The following RALGPS2 variants were observed in gnomAD, a reference collection of about 807,000 sequenced individuals.
RALGPS2 encodes ras-specific guanine nucleotide-releasing factor RalGPS2.
RALGPS2 carries 43 observed loss-of-function variants against 86.8 expected under a neutral mutation model. The ratio of observed to expected loss-of-function variants is 0.50; its 90% CI spans 0.39 to 0.64. The LOEUF (loss-of-function observed/expected upper bound fraction) is 0.64. RALGPS2 is among the 30% of genes least tolerant of loss of function. RALGPS2 has a pLI of 0.00. For synonymous variants in RALGPS2, 243 were observed against 231.3 expected, an observed-to-expected ratio of 1.05 and a Z score of -0.46; for missense variants, 536 against 694.6, an observed-to-expected ratio of 0.77 and a Z score of 2.57.
At chr1:178,794,821 A>T (rs1246003307) in intron 4 of RALGPS2, among the ~76,000 whole-genome samples, 2 of 152,166 alleles carry the variant, frequency 1.3e-5, no homozygotes, top group African/African-American at 4.8e-5. Context: ...TGCCTCTTTT[A>T]TGAGGGTCTC....
At chr1:178,813,846 G>C (rs1655104470) in intron 6 of RALGPS2, among the ~76,000 whole-genome samples, 1 of 152,148 alleles carries the variant, frequency 6.6e-6, no homozygotes, top group African/African-American at 2.4e-5. Flanking sequence ...TTGATTTGTA[G>C]ATGTTAACCG....
At chr1:178,809,807 T>C (rs1654892683) in intron 5 of RALGPS2, among the ~76,000 whole-genome samples, 1 of 152,156 alleles carries the variant, frequency 6.6e-6, no homozygotes, top group African/African-American at 2.4e-5. Flanking sequence ...GCATGGTCTT[T>C]TATGACCTCG....
chr1:178,903,377 G>A (rs1057300900), intron 18 of RALGPS2, among the ~76,000 whole-genome samples: 1 of 151,966 alleles, frequency 6.6e-6, no homozygotes, highest in African/African-American at 2.4e-5. Flanking sequence ...ATAAGTTATT[G>A]GGGTACAGGT....
rs145611757 is a variant in RALGPS2, at chr1:178,914,645, G to T, written c.1723-1685G>T. Among the ~76,000 whole-genome samples the T allele has an allele frequency of 9.4e-4, 143 of 151,936 alleles. 1 individual carries two copies. In the East Asian group the frequency reaches 0.015, roughly 15 times the overall value. ...GAGAAGCTCTTCCTGGCTTTGCCTA[G>T]TTGGCCATCTTGTCCCAATCCCGAG... On this transcript the variant is annotated intron_variant, in intron 19 of 19. Coordinates refer to ENST00000367635, the MANE Select transcript of RALGPS2 (RefSeq NM_152663.5).
chr1:178,869,690 G>A (rs959822504), intron 8 of RALGPS2, among the ~76,000 whole-genome samples: 4 of 152,050 alleles, frequency 2.6e-5, no homozygotes, highest in Admixed American at 2.0e-4. Context: ...GGACACAAAA[G>A]CAAAGTTGGA....
chr1:178,747,340 G>C, intron 1 of RALGPS2: 1 of 1,535,258 alleles, frequency 6.5e-7, no homozygotes, highest in South Asian at 1.1e-5. Flanking sequence ...ATATTGTTCT[G>C]GTTTCACCAC....
chr1:178,905,743 C>T (rs1660363038), intron 18 of RALGPS2, among the ~76,000 whole-genome samples: 1 of 152,142 alleles, frequency 6.6e-6, no homozygotes, highest in South Asian at 2.1e-4. Context: ...CCTTTCTTTT[C>T]TCAATTTGTT....
At chr1:178,832,205 G>A (rs148354080) in intron 7 of RALGPS2, among the ~76,000 whole-genome samples, 1 of 152,146 alleles carries the variant, frequency 6.6e-6, no homozygotes, top group East Asian at 1.9e-4. Context: ...TAAAACCGCT[G>A]TTTTAGACCA....
intron 1 of RALGPS2, among the ~76,000 whole-genome samples, chr1:178,775,060 A>C (rs938560860): frequency 6.6e-6 from 1 of 152,198 alleles, no homozygotes; most frequent in African/African-American, 2.4e-5. Flanking sequence ...TGTTGAATTT[A>C]AGCTTTATGG....
At chr1:178,739,694 C>T (rs976433067) in intron 1 of RALGPS2, among the ~76,000 whole-genome samples, 3 of 152,160 alleles carry the variant, frequency 2.0e-5, no homozygotes, top group Non-Finnish European at 4.4e-5. Context: ...ACTAACTTAG[C>T]GTGTCACTCT....
intron 8 of RALGPS2, among the ~76,000 whole-genome samples, chr1:178,855,520 A>G (rs1044285191): frequency 3.3e-5 from 5 of 152,018 alleles, no homozygotes; most frequent in Non-Finnish European, 5.9e-5. Context: ...TAAGTAGTAC[A>G]GACTAGTAAA....
intron 2 of RALGPS2, 50 bp from the exon 3 acceptor site, chr1:178,784,368 T>G: frequency 7.0e-7 from 1 of 1,430,734 alleles, no homozygotes; most frequent in African/African-American, 1.4e-5. Flanking sequence ...TTTCTATCAC[T>G]TGATTGTGAG....
chr1:178,744,638 A>T (rs1466315256), intron 1 of RALGPS2, among the ~76,000 whole-genome samples: 3 of 151,708 alleles, frequency 2.0e-5, no homozygotes, highest in African/African-American at 4.8e-5. Flanking sequence ...ACATGGTGAA[A>T]CCCCGTCTCT....
chr1:178,865,762 G>T, intron 8 of RALGPS2: 1 of 1,582,194 alleles, frequency 6.3e-7, no homozygotes, highest in Non-Finnish European at 8.6e-7. Context: ...CTAGGGTCCA[G>T]GTAAAAGTCT....
At chr1:178,877,409 A>G in intron 8 of RALGPS2, 89 bp from the exon 9 acceptor site, 2 of 1,544,740 alleles carry the variant, frequency 1.3e-6, no homozygotes, top group Non-Finnish European at 1.7e-6. Flanking sequence ...AGTGGAATAT[A>G]TCTATAAACA....
chr1:178,840,824 A>G (rs552884900), intron 8 of RALGPS2, among the ~76,000 whole-genome samples: 34 of 152,340 alleles, frequency 2.2e-4, no homozygotes, highest in Admixed American at 7.2e-4. Context: ...GGATATCACT[A>G]CCGATCCCAC....
At chr1:178,827,691 G>A (rs184887912) in intron 7 of RALGPS2, among the ~76,000 whole-genome samples, 172 of 152,140 alleles carry the variant, frequency 1.1e-3, no homozygotes, top group African/African-American at 3.7e-3. Context: ...CACCGCGCCC[G>A]GCCCATACTC....
At position 178,886,032 on chromosome 1, in the gene RALGPS2, A is replaced by G; in HGVS notation, c.1104A>G (p.Arg368=). The G allele has an allele frequency of 6.2e-7, 1 of 1,613,398 alleles. No homozygotes were observed. The part of the protein sequence containing the change: ...KSATFPNAGP[R]HLLDDSVMEP... ...CAACGTTTCCAAATGCAGGACCAAG[A>G]CATCTGTTAGATGATAGCGTCATGG... Residue 368 remains arginine, a synonymous_variant, in exon 13 of 20, where the codon AGA becomes AGG. Coordinates refer to ENST00000367635, the MANE Select transcript of RALGPS2 (RefSeq NM_152663.5).
At chr1:178,783,368 G>T (rs1486309293) in intron 2 of RALGPS2, among the ~76,000 whole-genome samples, 1 of 152,166 alleles carries the variant, frequency 6.6e-6, no homozygotes, top group East Asian at 1.9e-4. Flanking sequence ...GCCCAGGACT[G>T]TAGGACAGTG....
Sources: allele counts gnomAD v4.1 joint callset (sites outside exome capture counted in the v4.1 genomes callset), GRCh38; gene constraint gnomAD v4.1.1; transcripts MANE v1.5; gene names NCBI Gene and HGNC (gene_info 2026-07-23, HGNC 2026-07-21).